Variants in MLPH observed in about 807,000 individuals in gnomAD.
The protein encoded by MLPH is melanophilin.
MLPH carries 51 observed loss-of-function variants against 72.1 expected under a neutral mutation model. That is an observed-to-expected ratio of 0.71 (90% CI 0.56 to 0.89). The LOEUF is 0.89. Among genes scored for constraint, MLPH ranks in the 40% least tolerant of loss-of-function variants. MLPH has a pLI of 0.00. For missense variants in MLPH, 743 were observed against 759.9 expected (o/e 0.98, Z 0.26); for synonymous variants, 301 against 310.1 (o/e 0.97, Z 0.31).
At chr2:237,497,849 C>T (rs1383094720) in intron 2 of MLPH, among the ~76,000 whole-genome samples, 1 of 152,208 alleles carries the variant, frequency 6.6e-6, no homozygotes, top group African/African-American at 2.4e-5. Context: ...GTCCTCATGT[C>T]TGCTCCCGGT....
Position 237,542,644 on chromosome 2 carries a change from G to A in MLPH, c.1524G>A (p.Arg508=). The change falls in exon 12 of 16, where the codon AGG becomes AGA. Residue 508 remains arginine (R), a synonymous_variant. Coordinates refer to ENST00000264605, the MANE Select transcript of MLPH (RefSeq NM_024101.7). Reference sequence around the variant, plus strand: ...TGAAGCCCTCGGGAAAGCCCCGGAGGAAGTCAAACCTCCCGGTGAGTGGGG... The same window carrying A: ...TGAAGCCCTCGGGAAAGCCCCGGAGAAAGTCAAACCTCCCGGTGAGTGGGG... ...LTVKPSGKPR[R]KSNLPIFLPR... is the part of the protein sequence containing the mutation. 1 of 1,585,150 alleles carries A rather than the reference G, an allele frequency of 6.3e-7. No individual in the cohort carries two copies.
chr2:237,533,624 T>C (rs1407228128), intron 8 of MLPH, among the ~76,000 whole-genome samples: 1 of 152,166 alleles, frequency 6.6e-6, no homozygotes, highest in African/African-American at 2.4e-5. Flanking sequence ...ACTCCTGACC[T>C]CAGGTGATCT....
At chr2:237,544,475 A>C (rs1318109832) in intron 12 of MLPH, among the ~76,000 whole-genome samples, 1 of 44,830 alleles carries the variant, frequency 2.2e-5, no homozygotes, top group South Asian at 8.5e-4. Context: ...GAGTGGGGAC[A>C]GTGGTGAGTG....
At chr2:237,528,141 T>C (rs777775400) in intron 8 of MLPH, among the ~76,000 whole-genome samples, 1 of 152,094 alleles carries the variant, frequency 6.6e-6, no homozygotes, top group Non-Finnish European at 1.5e-5. Flanking sequence ...TGGGAATTAG[T>C]GTTGAATGGG....
At chr2:237,529,306 G>C (rs560695925) in intron 8 of MLPH, among the ~76,000 whole-genome samples, 1 of 152,210 alleles carries the variant, frequency 6.6e-6, no homozygotes, top group South Asian at 2.1e-4. Context: ...GCCTCCCAAA[G>C]TGTTGGGATT....
At chr2:237,529,233 G>A (rs530768942) in intron 8 of MLPH, among the ~76,000 whole-genome samples, 59 of 152,112 alleles carry the variant, frequency 3.9e-4, no homozygotes, top group African/African-American at 1.4e-3. Flanking sequence ...AGTAGAGATG[G>A]GGTTTCACCA....
At chr2:237,509,277 G>A (rs551706722) in intron 2 of MLPH, among the ~76,000 whole-genome samples, 7 of 152,314 alleles carry the variant, frequency 4.6e-5, no homozygotes, top group African/African-American at 1.7e-4. Flanking sequence ...ACACTTCTGG[G>A]CTCTTATTTA....
intron 1 of MLPH, among the ~76,000 whole-genome samples, chr2:237,488,352 A>C (rs1394109504): frequency 6.6e-6 from 1 of 152,068 alleles, no homozygotes; most frequent in African/African-American, 2.4e-5. Flanking sequence ...CCCCGGGTTC[A>C]GCTGTCCTGC....
chr2:237,517,917 A>T (rs1336774615), intron 4 of MLPH: 2 of 173,978 alleles, frequency 1.1e-5, no homozygotes, highest in African/African-American at 4.8e-5. Flanking sequence ...GCGGATAAGT[A>T]GGTAGATGGG....
intron 6 of MLPH, among the ~76,000 whole-genome samples, chr2:237,521,142 A>C (rs1317412793): frequency 6.6e-6 from 1 of 152,172 alleles, no homozygotes; most frequent in Admixed American, 6.5e-5. Flanking sequence ...GTTAATTAGG[A>C]AGGGGTTATT....
Position 237,510,891 on chromosome 2 carries a change from G to A in MLPH, c.332+96G>A. 6.7e-7 allele frequency: 1 copy of A among 1,484,748 alleles called. No homozygotes were observed. Among genetic ancestry groups the A allele is most frequent in the Non-Finnish European group, 9.3e-7 (1 of 1,071,474 alleles). 92.0% of individuals were successfully genotyped at this position (1,484,748 alleles called of 1,614,324 possible). A position where few individuals can be genotyped will look rare whatever the true frequency, so the allele number is the denominator to read the frequency against. On this transcript the variant is annotated intron_variant, in intron 3 of 15. Coordinates refer to ENST00000264605, the MANE Select transcript of MLPH (RefSeq NM_024101.7). This position sits in a 1 kb window ranked among gnomAD's most constrained non-coding sequence, Gnocchi z 4.4. ...GCTGAAGAAGGGTGGACGCACACAT[G>A]CACACACTCGTGTGTGTGTGTGTGT...
chr2:237,512,532 C>T lies in MLPH; in HGVS notation c.445+1431C>T, dbSNP rs529870705. On this transcript the variant is annotated intron_variant, in intron 4 of 15. Transcript: ENST00000264605. The surrounding 1 kb of genome is among the most constrained non-coding windows in gnomAD (Gnocchi z 5.5). ...CTGCAACAACAGATGTGACTAGGAA[C>T]GGCCGGTGACATGGGGAGGGCCTAT... Among the ~76,000 whole-genome samples, 26 of 152,186 alleles carry T rather than the reference C, an allele frequency of 1.7e-4. No homozygotes were observed. The highest frequency in any genetic ancestry group is 5.5e-4 in the African/African-American group (23 of 41,514).
intron 10 of MLPH, 68 bp downstream of exon 10, chr2:237,540,601 C>T (rs2080655707): frequency 1.3e-6 from 2 of 1,550,914 alleles, no homozygotes; most frequent in South Asian, 1.2e-5. Context: ...ACAGTCCCAG[C>T]TGGCAGCCAC....
At chr2:237,500,632 C>T (rs1559337131) in intron 2 of MLPH, among the ~76,000 whole-genome samples, 1 of 152,082 alleles carries the variant, frequency 6.6e-6, no homozygotes, top group Non-Finnish European at 1.5e-5. Context: ...CAAAGTGTTC[C>T]ACTGACATCT....
chr2:237,548,695 T>C (rs12466379), intron 13 of MLPH, among the ~76,000 whole-genome samples: 47,639 of 152,096 alleles, frequency 0.31, 12,752 homozygotes, highest in African/African-American at 0.72. Context: ...GGTGAAACCC[T>C]GTCTCTACTA....
intron 9 of MLPH, chr2:237,537,743 G>A (rs1323710565): frequency 6.6e-6 from 1 of 152,230 alleles, no homozygotes; most frequent in Non-Finnish European, 1.5e-5. Context: ...CTTGATGGGT[G>A]AGGGAGGGAT....
Position 237,541,661 on chromosome 2 carries a change from A to G in MLPH, c.1446+704A>G, listed in dbSNP as rs539291578. Among the ~76,000 whole-genome samples the G allele has an allele frequency of 7.8e-4, 119 of 152,352 alleles. No individual in the cohort carries two copies. Among genetic ancestry groups the G allele is most frequent in the Non-Finnish European group, 1.2e-3 (82 of 68,030 alleles). On this transcript the variant is annotated intron_variant, in intron 11 of 15. Transcript: ENST00000264605. The surrounding 1 kb of genome is among the most constrained non-coding windows in gnomAD (Gnocchi z 5.1). ...TCATGTATTCCTTCTTGCTTTGCAA[A>G]TAAGCTTTAAATGCCTAGAATGTAG... is the stretch of plus-strand genomic sequence containing the variant.
chr2:237,518,453 A>C (rs1387227729), intron 4 of MLPH, 86 bp from the exon 5 acceptor site: 12 of 1,054,166 alleles, frequency 1.1e-5, no homozygotes, highest in Non-Finnish European at 1.7e-5. Context: ...TGGATAGATT[A>C]GTGGATGGAT....
chr2:237,524,344 A>C (rs985006467), intron 6 of MLPH, among the ~76,000 whole-genome samples: 2 of 134,568 alleles, frequency 1.5e-5, no homozygotes, highest in South Asian at 2.3e-4. Context: ...TTAAGTATTA[A>C]CTTACACGAT....
Sources: allele counts gnomAD v4.1 joint callset (sites outside exome capture counted in the v4.1 genomes callset), GRCh38; gene constraint gnomAD v4.1.1; non-coding constraint Gnocchi (gnomAD v3.1); transcripts MANE v1.5; gene names NCBI Gene and HGNC (gene_info 2026-07-23, HGNC 2026-07-21).